FSTL5: variants seen among roughly 807,000 people sequenced by gnomAD.
The protein encoded by FSTL5 is follistatin like 5.
A neutral mutation model predicts 89.1 loss-of-function variants in FSTL5; 62 were observed. That is an observed-to-expected ratio of 0.70 (90% CI 0.57 to 0.86). FSTL5 has a LOEUF of 0.86. FSTL5 is among the 40% of genes least tolerant of loss of function. The pLI, the probability that FSTL5 is intolerant of heterozygous loss-of-function variation, is 0.00. For missense variants in FSTL5, 1,057 were observed against 1,001.6 expected, an observed-to-expected ratio of 1.06 and a Z score of -0.75; for synonymous variants, 383 against 346.2, an observed-to-expected ratio of 1.11 and a Z score of -1.18.
intron 10 of FSTL5, among the ~76,000 whole-genome samples, chr4:161,520,278 A>G (rs1201055561): frequency 6.6e-6 from 1 of 151,772 alleles, no homozygotes; most frequent in Non-Finnish European, 1.5e-5. Context: ...TTCCTACTAC[A>G]TATTCTGAGC....
At chr4:161,967,576 A>T (rs1735364539) in intron 3 of FSTL5, among the ~76,000 whole-genome samples, 1 of 151,944 alleles carries the variant, frequency 6.6e-6, no homozygotes, top group Non-Finnish European at 1.5e-5. Flanking sequence ...TAAGTTGTTG[A>T]TTTGTTAAAT....
In FSTL5 at chr4:161,873,096, TGA is replaced by T. The variant is rs111435486; in HGVS notation, c.409+47306_409+47307del. 3.5e-3 allele frequency among the ~76,000 whole-genome samples: 531 copies of T among 152,292 alleles called. 10 individuals are homozygous for T. The South Asian group carries it at 0.047, about 13-fold the overall frequency. On this transcript the variant is annotated intron_variant, in intron 4 of 15. Coordinates refer to ENST00000306100, the MANE Select transcript of FSTL5 (RefSeq NM_020116.5). The stretch of plus-strand genomic sequence containing the variant: ...ATTTTTGCAGGTTTCTAAATTTTTC[TGA>T]GAGTCTAACTGTTAAGAGGCAAAAG...
At chr4:162,096,536 TA>T (rs1358736348) in intron 2 of FSTL5, among the ~76,000 whole-genome samples, 2 of 152,006 alleles carry the variant, frequency 1.3e-5, no homozygotes, top group Admixed American at 6.6e-5. Flanking sequence ...CATACCCAAG[TA>T]ATCTTAAAGC....
chr4:162,143,733 CACACACACACACA>C (rs1732842104), intron 1 of FSTL5, among the ~76,000 whole-genome samples: 1 of 134,570 alleles, frequency 7.4e-6, no homozygotes, highest in African/African-American at 2.7e-5. Flanking sequence ...CACACACACA[CACACACACACACA>C]CACCCAGGAA....
At chr4:161,998,787 G>T (rs1193901073) in intron 3 of FSTL5, among the ~76,000 whole-genome samples, 2 of 151,606 alleles carry the variant, frequency 1.3e-5, no homozygotes, top group Non-Finnish European at 2.9e-5. Flanking sequence ...TATACAAAAG[G>T]AATTGCATAG....
intron 8 of FSTL5, among the ~76,000 whole-genome samples, chr4:161,555,674 G>A (rs1259134424): frequency 6.6e-6 from 1 of 151,428 alleles, no homozygotes; most frequent in East Asian, 2.0e-4. Flanking sequence ...TTCTCCATTT[G>A]TAAAATTTGA....
chr4:162,073,081 A>C (rs1222889031), intron 2 of FSTL5, among the ~76,000 whole-genome samples: 1 of 151,768 alleles, frequency 6.6e-6, no homozygotes, highest in Admixed American at 6.6e-5. Context: ...ATCTTATTGC[A>C]CTTGGGATGA....
At chr4:162,017,588 T>C (rs1209026295) in intron 3 of FSTL5, among the ~76,000 whole-genome samples, 1 of 152,186 alleles carries the variant, frequency 6.6e-6, no homozygotes. Context: ...AATATTCAAC[T>C]GGAAGGCATA....
intron 15 of FSTL5, among the ~76,000 whole-genome samples, chr4:161,396,411 G>A (rs1350928871): frequency 2.0e-5 from 3 of 150,786 alleles, no homozygotes; most frequent in Non-Finnish European, 4.4e-5. Context: ...GAAAGCCGAG[G>A]AACTCAGATG....
chr4:161,509,673 A>G (rs1262127855), intron 11 of FSTL5, among the ~76,000 whole-genome samples: 2 of 152,104 alleles, frequency 1.3e-5, no homozygotes, highest in Admixed American at 6.5e-5. Flanking sequence ...TTTGAAGACA[A>G]TTTTTGGCCA....
intron 6 of FSTL5, among the ~76,000 whole-genome samples, chr4:161,741,392 C>T (rs1740023164): frequency 6.6e-6 from 1 of 152,120 alleles, no homozygotes; most frequent in Non-Finnish European, 1.5e-5. Context: ...CACAATGTTA[C>T]TGGTTTTAAA....
intron 15 of FSTL5, among the ~76,000 whole-genome samples, chr4:161,412,926 A>T (rs1731643220): frequency 6.6e-6 from 1 of 152,152 alleles, no homozygotes; most frequent in Non-Finnish European, 1.5e-5. Flanking sequence ...TTCAAAATGG[A>T]TCAAAGATTT....
chr4:161,850,094 T>C (rs1057162342), intron 4 of FSTL5, among the ~76,000 whole-genome samples: 7 of 152,318 alleles, frequency 4.6e-5, no homozygotes, highest in South Asian at 2.1e-4. Flanking sequence ...GGGGAAAATA[T>C]GTATTACAGA....
intron 12 of FSTL5, among the ~76,000 whole-genome samples, 158 bp downstream of exon 12, chr4:161,499,858 T>C (rs1730234583): frequency 1.3e-5 from 2 of 152,116 alleles, no homozygotes; most frequent in Non-Finnish European, 1.5e-5. Flanking sequence ...CCTCCTCAGA[T>C]ATAAAACCTA....
chr4:162,004,719 G>A (rs1265793807), intron 3 of FSTL5, among the ~76,000 whole-genome samples: 1 of 152,050 alleles, frequency 6.6e-6, no homozygotes, highest in Non-Finnish European at 1.5e-5. Flanking sequence ...ACTACTTGAA[G>A]TAAACTTGTT....
chr4:161,541,381 T>C (rs1731813274), intron 9 of FSTL5, among the ~76,000 whole-genome samples: 1 of 152,086 alleles, frequency 6.6e-6, no homozygotes, highest in Non-Finnish European at 1.5e-5. Flanking sequence ...TATGGTTTAT[T>C]GCTATTAAAT....
intron 7 of FSTL5, among the ~76,000 whole-genome samples, chr4:161,595,991 G>T (rs1734001129): frequency 6.6e-6 from 1 of 151,766 alleles, no homozygotes; most frequent in East Asian, 1.9e-4. Flanking sequence ...GTTTTCTAGT[G>T]TATGCATTTA....
chr4:161,627,590 C>A (rs1394502122), intron 7 of FSTL5, among the ~76,000 whole-genome samples: 1 of 151,990 alleles, frequency 6.6e-6, no homozygotes, highest in Non-Finnish European at 1.5e-5. Context: ...TTGTTAGATA[C>A]CTTTTTACAA....
intron 6 of FSTL5, among the ~76,000 whole-genome samples, chr4:161,702,185 C>T (rs938957821): frequency 5.3e-5 from 8 of 152,146 alleles, no homozygotes; most frequent in African/African-American, 1.9e-4. Flanking sequence ...AAATTCATTG[C>T]TTAGCGAAAC....
Sources: allele counts gnomAD v4.1 joint callset (sites outside exome capture counted in the v4.1 genomes callset), GRCh38; gene constraint gnomAD v4.1.1; transcripts MANE v1.5; gene names NCBI Gene and HGNC (gene_info 2026-07-23, HGNC 2026-07-21).